ZNF267: variants seen among roughly 807,000 people sequenced by gnomAD.
ZNF267 encodes zinc finger (C2H2).
In ZNF267, 61 loss-of-function variants were observed where a neutral mutation model predicts 71.6. The ratio of observed to expected loss-of-function variants is 0.85; its 90% CI spans 0.69 to 1.05. ZNF267 has a LOEUF of 1.05. ZNF267 is among the 50% of genes least tolerant of loss of function. ZNF267 has a pLI of 0.00. For synonymous variants in ZNF267, 288 were observed against 293.2 expected (o/e 0.98, Z 0.18); for missense variants, 852 against 870.0 (o/e 0.98, Z 0.26).
intron 3 of ZNF267, among the ~76,000 whole-genome samples, chr16:31,893,615 A>G (rs753036086): frequency 1.3e-5 from 2 of 152,184 alleles, no homozygotes; most frequent in African/African-American, 2.4e-5. Context: ...AAGATTCACA[A>G]TGAGACTAAT....
Position 31,916,923 on chromosome 16 carries a change from T to C in ZNF267, c.*442T>C. On this transcript the variant is annotated 3_prime_UTR_variant, in exon 4 of 4. Coordinates refer to ENST00000300870, the MANE Select transcript of ZNF267 (RefSeq NM_003414.6). ...TCAGCCTTTATACTAAATAAGAGTA[T>C]TTTTTGTACAGAATAATCTAAAGGC... The C allele has an allele frequency of 6.3e-6, 1 of 159,068 alleles. No homozygotes were observed. The highest frequency in any genetic ancestry group is 1.4e-5 in the Non-Finnish European group (1 of 71,946). 9.9% of individuals were successfully genotyped at this position (159,068 alleles called of 1,614,324 possible).
In ZNF267 at chr16:31,915,275, C is replaced by G. The variant is rs141138368; in HGVS notation, c.1026C>G (p.Ile342Met). The G allele has an allele frequency of 1.2e-6, 2 of 1,613,842 alleles. No individual in the cohort carries two copies. The highest frequency in any genetic ancestry group is 1.3e-5 in the African/African-American group (1 of 75,050). The change falls in exon 4 of 4, where the codon ATC (isoleucine) becomes ATG (methionine). Residue 342 changes from isoleucine to methionine, a missense_variant. By Grantham distance (10) the Ile-to-Met change is conservative (BLOSUM62 1). Coordinates refer to ENST00000300870, the MANE Select transcript of ZNF267 (RefSeq NM_003414.6). ...NHSLHLTQHQ[I>M]IPTEEKPCKW... ...GTTTGCACCTTACTCAACATCAGAT[C>G]ATTCCTACCGAAGAGAAACCCTGTA... is the stretch of plus-strand genomic sequence containing the variant.
Position 31,914,720 on chromosome 16 carries a change from C to T in ZNF267, c.471C>T (p.Ala157=), listed in dbSNP as rs771967937. The T allele has an allele frequency of 3.5e-5, 57 of 1,613,896 alleles. No homozygotes were observed. The highest frequency in any genetic ancestry group is 4.6e-5 in the Non-Finnish European group (54 of 1,179,988). The change falls in exon 4 of 4, where the codon GCC becomes GCT. Residue 157 remains alanine (A), a synonymous_variant. Coordinates refer to ENST00000300870, the MANE Select transcript of ZNF267 (RefSeq NM_003414.6). The part of the protein sequence containing the change: ...LFHQQILSSC[A]KSYNFDQYRK... ...ACCAGCAAATACTTTCTTCTTGTGC[C>T]AAAAGCTATAACTTTGATCAATATA...
At chr16:31,885,659 T>A (rs545436694) in intron 3 of ZNF267, among the ~76,000 whole-genome samples, 1 of 152,330 alleles carries the variant, frequency 6.6e-6, no homozygotes, top group East Asian at 1.9e-4. Context: ...ACAGTGGAAT[T>A]TTTTTCAGAA....
chr16:31,881,670 CTTTTTTTTT>C (rs747627467), intron 1 of ZNF267, among the ~76,000 whole-genome samples: 1 of 125,542 alleles, frequency 8.0e-6, no homozygotes, highest in African/African-American at 3.1e-5. Flanking sequence ...TTTTCTTCTT[CTTTTTTTTT>C]TTTTTTTTTT....
rs1316965143 is a variant in ZNF267 at position 31,915,982 on chromosome 16, G to A, written c.1733G>A (p.Cys578Tyr). 1 of 1,612,680 alleles carries A rather than the reference G, an allele frequency of 6.2e-7. No individual in the cohort carries two copies. Among genetic ancestry groups the A allele is most frequent in the Non-Finnish European group, 8.5e-7 (1 of 1,178,982 alleles). Residue 578 changes from cysteine to tyrosine, a missense_variant, in exon 4 of 4, where the codon TGT becomes TAT. Cys to Tyr is a radical substitution (Grantham distance 194, BLOSUM62 -2). Coordinates refer to ENST00000300870, the MANE Select transcript of ZNF267 (RefSeq NM_003414.6). ...CATACTGGAGAAAAACCATACAAAT[G>A]TAAAGCATGTAGCAAATCTTTTAGT... ...RIHTGEKPYK[C>Y]KACSKSFSDS...
At chr16:31,914,305 G>C (rs776062805) in intron 3 of ZNF267, 171 bp from the exon 4 acceptor site, 2 of 590,640 alleles carry the variant, frequency 3.4e-6, no homozygotes, top group East Asian at 3.0e-5. Flanking sequence ...AGTAGTTCAC[G>C]TGCCACTTTA....
intron 3 of ZNF267, among the ~76,000 whole-genome samples, chr16:31,901,874 C>T (rs1200427542): frequency 6.6e-6 from 1 of 152,172 alleles, no homozygotes; most frequent in African/African-American, 2.4e-5. Flanking sequence ...TTGCCCATGC[C>T]TATGTCCTGA....
chr16:31,874,769 C>G (rs2083840032), intron 1 of ZNF267, among the ~76,000 whole-genome samples: 1 of 152,124 alleles, frequency 6.6e-6, no homozygotes, highest in Admixed American at 6.5e-5. Context: ...ACGTGTAGCA[C>G]GCAGAGTCTC....
chr16:31,878,719 C>G (rs1244336334), intron 1 of ZNF267, among the ~76,000 whole-genome samples: 1 of 152,190 alleles, frequency 6.6e-6, no homozygotes, highest in African/African-American at 2.4e-5. Context: ...GCTCATGGCT[C>G]AATAGCACCT....
chr16:31,915,062 A>C lies in ZNF267; in HGVS notation c.813A>C (p.Lys271Asn). The C allele has an allele frequency of 6.2e-7, 1 of 1,613,264 alleles. No individual in the cohort carries two copies. The highest frequency in any genetic ancestry group is 8.5e-7 in the Non-Finnish European group (1 of 1,179,754). Residue 271 changes from lysine to asparagine, a missense_variant, in exon 4 of 4, where the codon AAA becomes AAC. Physicochemically the swap from Lys to Asn is moderately conservative, Grantham distance 94. Transcript: ENST00000300870. ...AAGAACAGTCTTACAAATGTAATAA[A>C]TGTGTAGAAGTTTGTACCCAGTCAT... The part of the protein sequence containing the change: ...EKQEQSYKCN[K>N]CVEVCTQSLK...
At chr16:31,883,924 A>G (rs1385669390) in intron 1 of ZNF267, among the ~76,000 whole-genome samples, 1 of 152,248 alleles carries the variant, frequency 6.6e-6, no homozygotes, top group Non-Finnish European at 1.5e-5. Context: ...CTGTAGCCTT[A>G]GCTACTCAGG....
intron 1 of ZNF267, among the ~76,000 whole-genome samples, chr16:31,880,674 C>T (rs143420423): frequency 6.4e-4 from 98 of 152,266 alleles, no homozygotes; most frequent in African/African-American, 2.2e-3. Context: ...ATCTTGCTTC[C>T]GTCTCAGAGG....
chr16:31,873,855 G>C lies in ZNF267; in HGVS notation c.-112G>C. 1 of 1,461,708 alleles carries C rather than the reference G, an allele frequency of 6.8e-7. No homozygotes were observed. The highest frequency in any genetic ancestry group is 2.3e-5 in the East Asian group (1 of 43,656). 90.5% of individuals were successfully genotyped at this position (1,461,708 alleles called of 1,614,324 possible). ...CACAGCTCCGAGTCTTTCGTTCTGGGAGGCCCAGGCGGCTTCGCGTTCTGA... is the reference window on the plus strand; with the variant it reads ...CACAGCTCCGAGTCTTTCGTTCTGGCAGGCCCAGGCGGCTTCGCGTTCTGA... On this transcript the variant is annotated 5_prime_UTR_variant, in exon 1 of 4. Transcript: ENST00000300870.
chr16:31,902,855 A>G (rs2084053052), intron 3 of ZNF267, among the ~76,000 whole-genome samples: 2 of 152,126 alleles, frequency 1.3e-5, no homozygotes, highest in Non-Finnish European at 2.9e-5. Flanking sequence ...GAGAGAGGGC[A>G]TCCCTGTCTT....
chr16:31,916,093 A>G lies in ZNF267; in HGVS notation c.1844A>G (p.Tyr615Cys), dbSNP rs1229927477. The G allele has an allele frequency of 1.9e-6, 3 of 1,614,066 alleles. No homozygotes were observed. The highest frequency in any genetic ancestry group is 2.5e-6 in the Non-Finnish European group (3 of 1,179,994). Residue 615 changes from tyrosine (Y) to cysteine (C), a missense_variant, in exon 4 of 4, where the codon TAT (tyrosine) becomes TGT (cysteine). Physicochemically the swap from Tyr to Cys is radical, Grantham distance 194. Transcript: ENST00000300870. The stretch of plus-strand genomic sequence containing the variant: ...AAAGAATGTGGCAAAGCCTTTAGTT[A>G]TAGTTCAGATGTTATTCAGCATCGG... ...TCKECGKAFSYSSDVIQHRRI... is the reference protein window; with the variant it reads ...TCKECGKAFSCSSDVIQHRRI...
In ZNF267 at chr16:31,916,992, A is replaced by G. The variant is rs755536113; in HGVS notation, c.*511A>G. On this transcript the variant is annotated 3_prime_UTR_variant, in exon 4 of 4. Transcript: ENST00000300870. ...ATTTGCTTATATGTTTTAAAGTAGCAAGAACATTGATGTTTTGACAGGTAT... is the reference window on the plus strand; with the variant it reads ...ATTTGCTTATATGTTTTAAAGTAGCGAGAACATTGATGTTTTGACAGGTAT... 3.0e-4 allele frequency: 46 copies of G among 154,110 alleles called. No individual in the cohort carries two copies. The highest frequency in any genetic ancestry group is 6.2e-4 in the Non-Finnish European group (43 of 69,238). 9.5% of individuals were successfully genotyped at this position (154,110 alleles called of 1,614,324 possible). A position where few individuals can be genotyped will look rare whatever the true frequency, so the allele number is the denominator to read the frequency against.
chr16:31,913,204 A>G (rs1480463318), intron 3 of ZNF267: 1 of 152,124 alleles, frequency 6.6e-6, no homozygotes, highest in African/African-American at 2.4e-5. Flanking sequence ...GTTCTTGCAG[A>G]CTCATAGAGG....
At position 31,914,784 on chromosome 16, in the gene ZNF267, G is replaced by T; in HGVS notation, c.535G>T (p.Glu179Ter). ...TCATTCATCATTGCTTAATCAACAAGAGGAAATAGATATTTGGGGAAAACA... is the reference window on the plus strand; with the variant it reads ...TCATTCATCATTGCTTAATCAACAATAGGAAATAGATATTTGGGGAAAACA... ...FTHSSLLNQQ[E>*]EIDIWGKHHI... The change falls in exon 4 of 4, where the codon GAG (glutamate) becomes TAG (stop). Residue 179 changes from glutamate (E) to a stop codon, truncating the protein, a stop_gained. Transcript: ENST00000300870. LOFTEE classifies it high-confidence loss of function. The T allele has an allele frequency of 1.2e-6, 2 of 1,613,380 alleles. No individual in the cohort carries two copies. Among genetic ancestry groups the T allele is most frequent in the Non-Finnish European group, 1.7e-6 (2 of 1,179,824 alleles).
Sources: gnomAD v4.1 joint callset for allele counts (sites outside exome capture counted in the v4.1 genomes callset) on GRCh38, gnomAD v4.1.1 for gene constraint, MANE v1.5 for transcripts, NCBI Gene and HGNC (gene_info 2026-07-23, HGNC 2026-07-21) for gene names.